The following FBXO22 variants were observed in gnomAD, a reference collection of about 807,000 sequenced individuals.
The protein encoded by FBXO22 is F-box only protein 22.
FBXO22 carries 13 observed loss-of-function variants against 37.2 expected under a neutral mutation model. The observed-to-expected ratio is 0.35, with a 90% CI of 0.23 to 0.56. The LOEUF is 0.56. FBXO22 is among the 20% of genes least tolerant of loss of function. The pLI, the probability that FBXO22 is intolerant of heterozygous loss-of-function variation, is 0.87. For missense variants in FBXO22, 446 were observed against 509.9 expected, an observed-to-expected ratio of 0.87 and a Z score of 1.21; for synonymous variants, 189 against 189.1, an observed-to-expected ratio of 1.00 and a Z score of 0.00.
At chr15:75,920,602 G>T (rs983795669) in intron 5 of FBXO22, among the ~76,000 whole-genome samples, 1 of 152,022 alleles carries the variant, frequency 6.6e-6, no homozygotes, top group South Asian at 2.1e-4. Context: ...CGGGAGGATC[G>T]CTTGAGCCCA....
At chr15:75,911,909 A>G (rs1412545128) in intron 2 of FBXO22, among the ~76,000 whole-genome samples, 2 of 148,634 alleles carry the variant, frequency 1.3e-5, no homozygotes, top group Non-Finnish European at 3.0e-5. Context: ...TTTGTCATAA[A>G]TAGCTCTTAT....
chr15:75,932,923 T>C lies in FBXO22; in HGVS notation c.1033T>C (p.Phe345Leu), dbSNP rs1424607853. 6.2e-7 allele frequency: 1 copy of C among 1,614,144 alleles called. No homozygotes were observed. The highest frequency in any genetic ancestry group is 8.5e-7 in the Non-Finnish European group (1 of 1,180,062). ...RAKGNVEADAFRKFFPSVPLF... is the reference protein window; with the variant it reads ...RAKGNVEADALRKFFPSVPLF... ...CAAGGGGAATGTTGAGGCTGATGCA[T>C]TTAGAAAGTTTTTTCCTAGTGTTCC... Residue 345 changes from phenylalanine to leucine, a missense_variant, in exon 7 of 7, where the codon TTT (phenylalanine) becomes CTT (leucine). By Grantham distance (22) the Phe-to-Leu change is conservative. Transcript: ENST00000308275.
rs770680782 is a variant in FBXO22 at position 75,913,255 on chromosome 15, T to G, written c.332T>G (p.Phe111Cys). Residue 111 changes from phenylalanine to cysteine, a missense_variant, in exon 3 of 7, where the codon TTC becomes TGC. By Grantham distance (205) the Phe-to-Cys change is radical (BLOSUM62 -2). This residue lies in a region of FBXO22 where 315 missense variants were observed against 410.1 expected (regional missense o/e 0.77). Transcript: ENST00000308275. Reference protein sequence around the residue: ...TVLYMADSETFISLEECRGHK... With the variant: ...TVLYMADSETCISLEECRGHK... ...CTTTACATGGCTGATTCAGAAACTT[T>G]CATTAGTCTGGAAGAGTGTCGTGGC... 3 of 1,611,396 alleles carry G rather than the reference T, an allele frequency of 1.9e-6. No homozygotes were observed. The highest frequency in any genetic ancestry group is 2.2e-5 in the South Asian group (2 of 91,048).
chr15:75,916,977 C>T (rs1421230768), intron 4 of FBXO22, among the ~76,000 whole-genome samples: 1 of 151,984 alleles, frequency 6.6e-6, no homozygotes, highest in African/African-American at 2.4e-5. Context: ...ACCCATATAC[C>T]CTTTATCTAG....
At chr15:75,915,899 CAAA>C (rs1177802395) in intron 4 of FBXO22, among the ~76,000 whole-genome samples, 5 of 109,398 alleles carry the variant, frequency 4.6e-5, no homozygotes, top group East Asian at 2.6e-4. Flanking sequence ...GACTCTGTCT[CAAA>C]AAAAAAAAAA....
intron 5 of FBXO22, among the ~76,000 whole-genome samples, chr15:75,919,902 T>C (rs1253879897): frequency 7.2e-5 from 11 of 152,198 alleles, no homozygotes; most frequent in Admixed American, 7.2e-4. Flanking sequence ...GCACTTCTAA[T>C]CTTCACCACA....
rs201240859 is a variant in FBXO22 at position 75,917,785 on chromosome 15, GT to G, written c.628+396del. Among the ~76,000 whole-genome samples, 180 of 152,280 alleles carry G rather than the reference GT, an allele frequency of 1.2e-3. 4 individuals carry two copies. In the East Asian group the frequency reaches 0.029, roughly 25 times the overall value. On this transcript the variant is annotated intron_variant, in intron 5 of 6. Transcript: ENST00000308275. The stretch of plus-strand genomic sequence containing the variant: ...TATTCTAGTAACAAGCATTTTAGAA[GT>G]TTTTAGAATACGCGGGTTAGTTCTT...
At position 75,933,181 on chromosome 15, in the gene FBXO22, T is replaced by TCAAA; in HGVS notation, c.*84_*87dup. The TCAAA allele has an allele frequency of 8.1e-7, 1 of 1,227,920 alleles. No homozygotes were observed. Among genetic ancestry groups the TCAAA allele is most frequent in the Non-Finnish European group, 1.1e-6 (1 of 879,666 alleles). 76.1% of individuals were successfully genotyped at this position (1,227,920 alleles called of 1,614,324 possible). ...AATGGAAACTTGGGCCATGTGTATTTCAAACAAAAATAACTTTAGATATAT... is the reference window on the plus strand; with the variant it reads ...AATGGAAACTTGGGCCATGTGTATTTCAAACAAACAAAAATAACTTTAGATATAT... On this transcript the variant is annotated 3_prime_UTR_variant, in exon 7 of 7. Transcript: ENST00000308275.
chr15:75,907,308 G>C (rs942999401), intron 2 of FBXO22, among the ~76,000 whole-genome samples: 3 of 152,176 alleles, frequency 2.0e-5, no homozygotes, highest in African/African-American at 7.2e-5. Flanking sequence ...GAGTTGTTGT[G>C]AGGATTAAAT....
chr15:75,939,444 A>G lies in FBXO22; in HGVS notation c.*6342A>G, dbSNP rs2030712323. 1.3e-5 allele frequency: 2 copies of G among 152,200 alleles called. No individual in the cohort carries two copies. The highest frequency in any genetic ancestry group is 6.5e-5 in the Admixed American group (1 of 15,286). 9.4% of individuals were successfully genotyped at this position (152,200 alleles called of 1,614,324 possible). A position where few individuals can be genotyped will look rare whatever the true frequency, so the allele number is the denominator to read the frequency against. Reference sequence around the variant, plus strand: ...AGTAATCAAAATTCTCCTGGAAAAAAAGCACTGGACCTGATGGTTTTCATT... The same window carrying G: ...AGTAATCAAAATTCTCCTGGAAAAAGAGCACTGGACCTGATGGTTTTCATT... On this transcript the variant is annotated 3_prime_UTR_variant, in exon 7 of 7. Coordinates refer to ENST00000308275, the MANE Select transcript of FBXO22 (RefSeq NM_147188.3).
In FBXO22 at chr15:75,932,913, G is replaced by A. The variant is rs780978052; in HGVS notation, c.1023G>A (p.Glu341=). ...FQYYRAKGNV[E]ADAFRKFFPS... Reference sequence around the variant, plus strand: ...ATTACAGAGCCAAGGGGAATGTTGAGGCTGATGCATTTAGAAAGTTTTTTC... The same window carrying A: ...ATTACAGAGCCAAGGGGAATGTTGAAGCTGATGCATTTAGAAAGTTTTTTC... Residue 341 remains glutamate (E), a synonymous_variant, in exon 7 of 7, where the codon GAG becomes GAA. Coordinates refer to ENST00000308275, the MANE Select transcript of FBXO22 (RefSeq NM_147188.3). 1 of 1,614,264 alleles carries A rather than the reference G, an allele frequency of 6.2e-7. No homozygotes were observed. The highest frequency in any genetic ancestry group is 1.7e-5 in the Admixed American group (1 of 60,034).
At chr15:75,921,410 C>G (rs1035148480) in intron 5 of FBXO22, among the ~76,000 whole-genome samples, 1 of 152,070 alleles carries the variant, frequency 6.6e-6, no homozygotes, top group Non-Finnish European at 1.5e-5. Context: ...GCCTGTAATC[C>G]CAGCAGTTTG....
Position 75,936,984 on chromosome 15 carries a change from A to G in FBXO22, c.*3882A>G, listed in dbSNP as rs1444775582. The G allele has an allele frequency of 1.3e-5, 2 of 152,226 alleles. No homozygotes were observed. Among genetic ancestry groups the G allele is most frequent in the Non-Finnish European group, 2.9e-5 (2 of 68,034 alleles). The allele number at this position is 152,226 out of a possible 1,614,324, so 9.4% of individuals were successfully genotyped here. ...TTTAGAAGAAATTGAAAGAAAATAT[A>G]TTTATTAATGTTGCTTTTAAATGCA... On this transcript the variant is annotated 3_prime_UTR_variant, in exon 7 of 7. Transcript: ENST00000308275.
Position 75,904,603 on chromosome 15 carries a change from G to A in FBXO22, c.253G>A (p.Val85Ile), listed in dbSNP as rs1899879336. ...CGGCCACCTGGAGGGGCATTGCTTG[G>A]TTCGCGTGGTAGCAGAGGAGCTTGA... is the stretch of plus-strand genomic sequence containing the variant. ...EAGHLEGHCL[V>I]RVVAEELENV... The change falls in exon 2 of 7, where the codon GTT becomes ATT. Residue 85 changes from valine to isoleucine, a missense_variant. This residue lies in a region of FBXO22 where 315 missense variants were observed against 410.1 expected (regional missense o/e 0.77). Transcript: ENST00000308275. 18 of 1,612,112 alleles carry A rather than the reference G, an allele frequency of 1.1e-5. No homozygotes were observed. The highest frequency in any genetic ancestry group is 1.5e-5 in the Non-Finnish European group (18 of 1,178,792).
rs1011984663 is a variant in FBXO22, at chr15:75,942,068, T to G, written c.*8966T>G. 2.6e-5 allele frequency: 4 copies of G among 151,238 alleles called. No individual in the cohort carries two copies. The highest frequency in any genetic ancestry group is 9.7e-5 in the African/African-American group (4 of 41,232). 9.4% of individuals were successfully genotyped at this position (151,238 alleles called of 1,614,324 possible). ...TATATTGCTAAGTGAAAGAAGTTAG[T>G]CTGAAAGGCTACATACTACATGATT... On this transcript the variant is annotated 3_prime_UTR_variant, in exon 7 of 7. Coordinates refer to ENST00000308275, the MANE Select transcript of FBXO22 (RefSeq NM_147188.3).
intron 5 of FBXO22, among the ~76,000 whole-genome samples, chr15:75,923,670 T>G (rs1285520894): frequency 2.6e-5 from 4 of 152,220 alleles, no homozygotes; most frequent in Admixed American, 6.5e-5. Context: ...GGATGCAGGA[T>G]TAGCTTGATT....
chr15:75,916,333 T>C (rs1900188078), intron 4 of FBXO22, among the ~76,000 whole-genome samples: 1 of 152,206 alleles, frequency 6.6e-6, no homozygotes, highest in Non-Finnish European at 1.5e-5. Flanking sequence ...AAGCTTATTT[T>C]CTCACAGTTT....
chr15:75,916,069 A>G (rs1432009326), intron 4 of FBXO22, among the ~76,000 whole-genome samples: 1 of 151,518 alleles, frequency 6.6e-6, no homozygotes, highest in Non-Finnish European at 1.5e-5. Context: ...AAAAAAAAAA[A>G]AAAAAAAAAA....
At chr15:75,930,336 G>C (rs2029968913) in intron 6 of FBXO22, 5 of 1,311,974 alleles carry the variant, frequency 3.8e-6, no homozygotes, top group Non-Finnish European at 4.9e-6. Context: ...GTGGTACTCT[G>C]TGTGACCTCA....
Sources: allele counts gnomAD v4.1 joint callset (sites outside exome capture counted in the v4.1 genomes callset), GRCh38; gene constraint gnomAD v4.1.1; regional missense constraint gnomAD v4.1.1; transcripts MANE v1.5; gene names NCBI Gene and HGNC (gene_info 2026-07-23, HGNC 2026-07-21).